The following CNBD1 variants were observed in gnomAD, a reference collection of about 807,000 sequenced individuals.
CNBD1 encodes cyclic nucleotide binding domain containing 1, also known as cyclic nucleotide-binding domain-containing protein 1.
A neutral mutation model predicts 54.4 loss-of-function variants in CNBD1; 71 were observed. The ratio of observed to expected loss-of-function variants is 1.30; its 90% CI spans 1.08 to 1.59. The LOEUF is 1.59. Among genes scored for constraint, CNBD1 ranks in the 40% most tolerant of loss-of-function variants. The pLI is 0.00. For synonymous variants in CNBD1, 182 were observed against 170.7 expected (o/e 1.07, Z -0.51); for missense variants, 659 against 518.0 (o/e 1.27, Z -2.64).
intron 10 of CNBD1, among the ~76,000 whole-genome samples, chr8:87,373,071 A>C (rs948233805): frequency 2.6e-5 from 4 of 151,794 alleles, no homozygotes; most frequent in African/African-American, 9.7e-5. Flanking sequence ...GACCATTTCA[A>C]GTATTTGGAT....
intron 8 of CNBD1, among the ~76,000 whole-genome samples, chr8:87,327,986 T>C (rs1012549485): frequency 3.3e-5 from 5 of 152,150 alleles, no homozygotes; most frequent in Admixed American, 1.3e-4. Context: ...TTTAAAAGTT[T>C]AGTTTAATTT....
rs112106636 is a variant in CNBD1 at position 86,951,473 on chromosome 8, T to G, written c.431+11719T>G. 2.9e-3 allele frequency among the ~76,000 whole-genome samples: 433 copies of G among 150,210 alleles called. 3 individuals are homozygous for G. Among genetic ancestry groups the G allele is most frequent in the African/African-American group, 0.01 (420 of 40,962 alleles). On this transcript the variant is annotated intron_variant, in intron 4 of 10. Transcript: ENST00000518476. ...TGGGCACCTGTAATCCCAGCTATTC[T>G]GGAGGCTGAGACAGGAGAATCACTT...
intron 3 of CNBD1, among the ~76,000 whole-genome samples, chr8:86,931,583 G>A (rs1048531041): frequency 6.6e-6 from 1 of 152,114 alleles, no homozygotes; most frequent in Non-Finnish European, 1.5e-5. Flanking sequence ...TTGTTTGTCT[G>A]AGGGCCATGA....
intron 4 of CNBD1, among the ~76,000 whole-genome samples, chr8:87,104,156 G>A (rs1206374640): frequency 6.6e-6 from 1 of 152,152 alleles, no homozygotes; most frequent in Non-Finnish European, 1.5e-5. Context: ...TATGTTGAAA[G>A]GTAAAAACAG....
At chr8:87,062,945 G>T (rs948539936) in intron 4 of CNBD1, among the ~76,000 whole-genome samples, 21 of 152,132 alleles carry the variant, frequency 1.4e-4, no homozygotes, top group African/African-American at 4.8e-4. Flanking sequence ...TGGTGTGGTT[G>T]TCAAGAAAAT....
At chr8:87,058,135 A>G (rs988877401) in intron 4 of CNBD1, among the ~76,000 whole-genome samples, 1 of 152,168 alleles carries the variant, frequency 6.6e-6, no homozygotes, top group African/African-American at 2.4e-5. Flanking sequence ...TCCAAATAGC[A>G]GAGTCATTAA....
At chr8:86,936,522 C>T (rs886399316) in intron 3 of CNBD1, among the ~76,000 whole-genome samples, 7 of 152,002 alleles carry the variant, frequency 4.6e-5, no homozygotes, top group East Asian at 3.9e-4. Context: ...GGGTGGATCA[C>T]GAGGTCAGGA....
rs552666155 is a variant in CNBD1 at position 87,343,371 on chromosome 8, A to C, written c.1043-8314A>C. The stretch of plus-strand genomic sequence containing the variant: ...TGACATACATCCTCAGCTTACAAAA[A>C]TGATGAGATTAAGTGATTAAAGACA... On this transcript the variant is annotated intron_variant, in intron 8 of 10. Coordinates refer to ENST00000518476, the MANE Select transcript of CNBD1 (RefSeq NM_173538.3). 5.4e-4 allele frequency among the ~76,000 whole-genome samples: 82 copies of C among 152,334 alleles called. 1 individual carries two copies. Among genetic ancestry groups the C allele is most frequent in the Admixed American group, 1.7e-3 (26 of 15,296 alleles).
At chr8:86,883,488 A>C (rs1808633765) in intron 1 of CNBD1, among the ~76,000 whole-genome samples, 1 of 152,200 alleles carries the variant, frequency 6.6e-6, no homozygotes. Context: ...AGAGAAGACA[A>C]GGGTAATGAG....
rs1813362318 is a variant in CNBD1, at chr8:87,182,080, CT to C, written c.432-23909del. Among the ~76,000 whole-genome samples the C allele has an allele frequency of 6.6e-6, 1 of 152,072 alleles. No individual in the cohort carries two copies. The highest frequency in any genetic ancestry group is 1.5e-5 in the Non-Finnish European group (1 of 67,966). Reference sequence around the variant, plus strand: ...CACTTGAAGTATGCCCCAGTGTCTACTTTTCCCATCTTTGTGTTCATGTGTA... The same window carrying C: ...CACTTGAAGTATGCCCCAGTGTCTACTTTCCCATCTTTGTGTTCATGTGTA... On this transcript the variant is annotated intron_variant, in intron 4 of 10. Transcript: ENST00000518476. The surrounding 1 kb of genome is among the most constrained non-coding windows in gnomAD (Gnocchi z 4.1).
intron 10 of CNBD1, among the ~76,000 whole-genome samples, chr8:87,362,678 T>G (rs1586047111): frequency 1.3e-5 from 2 of 152,112 alleles, no homozygotes; most frequent in East Asian, 3.9e-4. Flanking sequence ...AGTAATGGAA[T>G]CTTTAAGGAC....
intron 4 of CNBD1, among the ~76,000 whole-genome samples, chr8:87,061,356 A>C (rs1372510420): frequency 6.6e-6 from 1 of 152,232 alleles, no homozygotes; most frequent in Non-Finnish European, 1.5e-5. Flanking sequence ...GTGCATTAAC[A>C]GCAGATTCCA....
At chr8:87,352,771 G>A (rs1372505984) in intron 9 of CNBD1, among the ~76,000 whole-genome samples, 1 of 152,130 alleles carries the variant, frequency 6.6e-6, no homozygotes, top group African/African-American at 2.4e-5. Context: ...TCATTAGTTG[G>A]TCAGGGAGAC....
At chr8:87,066,966 T>A (rs1810667495) in intron 4 of CNBD1, among the ~76,000 whole-genome samples, 1 of 151,956 alleles carries the variant, frequency 6.6e-6, no homozygotes, top group South Asian at 2.1e-4. Flanking sequence ...TTGGAGTAGA[T>A]GATATTGAAG....
intron 10 of CNBD1, among the ~76,000 whole-genome samples, chr8:87,359,054 C>T (rs1266353576): frequency 6.6e-6 from 1 of 152,096 alleles, no homozygotes; most frequent in African/African-American, 2.4e-5. Context: ...AATGTTTTAC[C>T]AGCTATCTGG....
At chr8:86,882,770 TA>T (rs1243668770) in intron 1 of CNBD1, among the ~76,000 whole-genome samples, 1 of 152,094 alleles carries the variant, frequency 6.6e-6, no homozygotes, top group Non-Finnish European at 1.5e-5. Flanking sequence ...GGACTCAACC[TA>T]AATGCCCATC....
At chr8:87,279,576 A>G (rs10096205) in intron 6 of CNBD1, among the ~76,000 whole-genome samples, 42,469 of 151,118 alleles carry the variant, frequency 0.28, 6,390 homozygotes, top group African/African-American at 0.39. Context: ...TAGCTGTACT[A>G]TAGTAGGCAA....
intron 4 of CNBD1, among the ~76,000 whole-genome samples, chr8:86,952,846 C>A (rs981814299): frequency 2.0e-5 from 3 of 152,144 alleles, no homozygotes; most frequent in Non-Finnish European, 4.4e-5. Context: ...TTCCTTGCAA[C>A]TTTTGTCATT....
intron 4 of CNBD1, among the ~76,000 whole-genome samples, chr8:87,196,874 G>T (rs1301821640): frequency 1.3e-5 from 2 of 152,160 alleles, no homozygotes; most frequent in Non-Finnish European, 2.9e-5. Flanking sequence ...CTGGAATTGG[G>T]TCTAGAAATA....
Sources: allele counts gnomAD v4.1 joint callset (sites outside exome capture counted in the v4.1 genomes callset), GRCh38; gene constraint gnomAD v4.1.1; non-coding constraint Gnocchi (gnomAD v3.1); transcripts MANE v1.5; gene names NCBI Gene and HGNC (gene_info 2026-07-23, HGNC 2026-07-21).